Variants in SCRN1 observed in about 807,000 individuals in gnomAD.
SCRN1 encodes secernin 1.
SCRN1 carries 19 observed loss-of-function variants against 43.3 expected under a neutral mutation model. The ratio of observed to expected loss-of-function variants is 0.44; its 90% confidence interval spans 0.31 to 0.64. SCRN1 has a LOEUF of 0.64. Among genes scored for constraint, SCRN1 ranks in the 30% least tolerant of loss-of-function variants. The pLI, the probability that SCRN1 is intolerant of heterozygous loss-of-function variation, is 0.09. For synonymous variants in SCRN1, 183 were observed against 188.9 expected (o/e 0.97, Z 0.26); for missense variants, 447 against 524.1 (o/e 0.85, Z 1.44).
chr7:29,948,472 C>T (rs1378642325), intron 3 of SCRN1, among the ~76,000 whole-genome samples: 2 of 152,268 alleles, frequency 1.3e-5, no homozygotes, highest in Non-Finnish European at 2.9e-5. Context: ...TGAGTCCTCA[C>T]ATTCACCAAC....
chr7:29,942,797 C>T (rs1402240252), intron 4 of SCRN1, among the ~76,000 whole-genome samples: 1 of 152,134 alleles, frequency 6.6e-6, no homozygotes. Context: ...AGAGGCCACC[C>T]CCTCCTCCAG....
chr7:29,974,628 T>C (rs1194997520), intron 1 of SCRN1, among the ~76,000 whole-genome samples: 6 of 152,042 alleles, frequency 3.9e-5, no homozygotes, highest in Non-Finnish European at 8.8e-5. Flanking sequence ...ACATCATTTA[T>C]ATATTACATA....
Position 29,957,305 on chromosome 7 carries a change from A to G in SCRN1, c.160-1945T>C, listed in dbSNP as rs573314139. Among the ~76,000 whole-genome samples, 12 of 152,308 alleles carry G rather than the reference A, an allele frequency of 7.9e-5. No individual in the cohort carries two copies. The South Asian group carries it at 2.5e-3, about 32-fold the overall frequency. On this transcript the variant is annotated intron_variant, in intron 2 of 7. Coordinates refer to ENST00000242059, the MANE Select transcript of SCRN1 (RefSeq NM_014766.5). ...GGGAGGAAGGCAAAGGCGCGCACAC[A>G]AATTCCTACGAGCCCAGGCCAGCTT...
chr7:29,980,549 T>C (rs1423789261), intron 1 of SCRN1, among the ~76,000 whole-genome samples: 2 of 152,214 alleles, frequency 1.3e-5, no homozygotes, highest in Non-Finnish European at 2.9e-5. Flanking sequence ...ATTTTCCCAA[T>C]CATCCTTAAA....
intron 3 of SCRN1, chr7:29,947,251 C>T (rs1036630822): frequency 6.4e-7 from 1 of 1,550,568 alleles, no homozygotes; most frequent in Non-Finnish European, 8.7e-7. Flanking sequence ...AAAATCTTTC[C>T]CTGGGAGCCC....
chr7:29,947,412 A>C, intron 3 of SCRN1: 2 of 1,431,508 alleles, frequency 1.4e-6, no homozygotes, highest in Non-Finnish European at 1.9e-6. Context: ...CTGTGCCTCC[A>C]TGGATTAGGA....
chr7:29,978,665 A>C (rs994208089), intron 1 of SCRN1, among the ~76,000 whole-genome samples: 1 of 152,162 alleles, frequency 6.6e-6, no homozygotes, highest in Non-Finnish European at 1.5e-5. Context: ...TAACGAAAAT[A>C]TTTTTTAAAA....
chr7:29,982,428 A>G (rs7778514), intron 1 of SCRN1, among the ~76,000 whole-genome samples: 27,934 of 151,974 alleles, frequency 0.18, 2,722 homozygotes, highest in African/African-American at 0.26. Flanking sequence ...GCCTGTAATC[A>G]CAGTAGTTTG....
chr7:29,970,293 C>T (rs1788629180), intron 1 of SCRN1, among the ~76,000 whole-genome samples: 1 of 152,182 alleles, frequency 6.6e-6, no homozygotes, highest in Non-Finnish European at 1.5e-5. Context: ...TGCCGGCACA[C>T]AGGCCTTTTT....
rs1262998700 is a variant in SCRN1 at position 29,962,788 on chromosome 7, G to A, written c.159+6121C>T. Among the ~76,000 whole-genome samples the A allele has an allele frequency of 1.4e-4, 22 of 152,130 alleles. 1 individual carries two copies. The highest frequency in any genetic ancestry group is 1.4e-3 in the Admixed American group (22 of 15,272). On this transcript the variant is annotated intron_variant, in intron 2 of 7. Coordinates refer to ENST00000242059, the MANE Select transcript of SCRN1 (RefSeq NM_014766.5). Reference sequence around the variant, plus strand: ...TTATGAAAAGTTCTTACTCTTCATAGTTTAAAAAAGTCTGTATTTTAATAG... The same window carrying A: ...TTATGAAAAGTTCTTACTCTTCATAATTTAAAAAAGTCTGTATTTTAATAG...
At chr7:29,980,035 G>C (rs1010233649) in intron 1 of SCRN1, among the ~76,000 whole-genome samples, 1 of 152,128 alleles carries the variant, frequency 6.6e-6, no homozygotes, top group African/African-American at 2.4e-5. Context: ...TTTTAAAAAA[G>C]TCAGATAGAC....
chr7:29,986,051 A>C (rs539220079), intron 1 of SCRN1, among the ~76,000 whole-genome samples: 1 of 152,200 alleles, frequency 6.6e-6, no homozygotes, highest in Non-Finnish European at 1.5e-5. Flanking sequence ...CCCGACCAAT[A>C]TGGTGAAACC....
At chr7:29,930,818 A>G (rs1233291409) in intron 6 of SCRN1, among the ~76,000 whole-genome samples, 1 of 152,270 alleles carries the variant, frequency 6.6e-6, no homozygotes, top group Non-Finnish European at 1.5e-5. Flanking sequence ...AAGTGCTTCC[A>G]ATGGCAAGGC....
chr7:29,969,043 A>C lies in SCRN1; in HGVS notation c.25T>G (p.Cys9Gly). ...GCACGTGGAGGGAAGGCAACAAAACAGTAACTTGGAGGAGCTGCAGCCATC... is the reference window on the plus strand; with the variant it reads ...GCACGTGGAGGGAAGGCAACAAAACCGTAACTTGGAGGAGCTGCAGCCATC... MAAAPPSY[C>G]FVAFPPRAKD... Residue 9 changes from cysteine to glycine, a missense_variant, in exon 2 of 8, where the codon TGT becomes GGT. Coordinates refer to ENST00000242059, the MANE Select transcript of SCRN1 (RefSeq NM_014766.5). 1.9e-6 allele frequency: 3 copies of C among 1,613,854 alleles called. No homozygotes were observed. Among genetic ancestry groups the C allele is most frequent in the Non-Finnish European group, 2.5e-6 (3 of 1,179,900 alleles).
chr7:29,949,903 T>C (rs1468012427), intron 3 of SCRN1, among the ~76,000 whole-genome samples: 1 of 152,240 alleles, frequency 6.6e-6, no homozygotes, highest in Non-Finnish European at 1.5e-5. Context: ...CTTGAACTCC[T>C]GGGCTCAAGT....
At position 29,968,974 on chromosome 7, in the gene SCRN1, T is replaced by G. The variant is rs1222671255; in HGVS notation, c.94A>C (p.Arg32=). The G allele has an allele frequency of 6.2e-7, 1 of 1,614,034 alleles. No individual in the cohort carries two copies. Among genetic ancestry groups the G allele is most frequent in the Non-Finnish European group, 8.5e-7 (1 of 1,180,024 alleles). The change falls in exon 2 of 8, where the codon AGA becomes CGA. Residue 32 remains arginine, a synonymous_variant. Coordinates refer to ENST00000242059, the MANE Select transcript of SCRN1 (RefSeq NM_014766.5). ...TACACAACCTCTTGCACTTCATCTC[T>G]GGGCCGGGCTGAATTTTTCCCAAAT... The part of the protein sequence containing the change: ...VVFGKNSARP[R]DEVQEVVYFS...
upstream of SCRN1, chr7:29,990,033 A>G (rs1789318511): frequency 2.0e-6 from 3 of 1,469,128 alleles, no homozygotes; most frequent in African/African-American, 1.4e-5. Context: ...CTAGATTTTT[A>G]TTTCTTGGTT....
At chr7:29,951,758 A>G (rs1787931474) in intron 3 of SCRN1, among the ~76,000 whole-genome samples, 2 of 152,254 alleles carry the variant, frequency 1.3e-5, no homozygotes, top group Non-Finnish European at 2.9e-5. Flanking sequence ...CCTAATGCTT[A>G]CATTCCCACA....
At chr7:29,966,928 G>T (rs1374110032) in intron 2 of SCRN1, among the ~76,000 whole-genome samples, 2 of 151,714 alleles carry the variant, frequency 1.3e-5, no homozygotes, top group East Asian at 3.9e-4. Flanking sequence ...CAGAGCCAGT[G>T]ATTTAAGATT....
Sources: allele counts gnomAD v4.1 joint callset (sites outside exome capture counted in the v4.1 genomes callset), GRCh38; gene constraint gnomAD v4.1.1; transcripts MANE v1.5; gene names NCBI Gene and HGNC (gene_info 2026-07-23, HGNC 2026-07-21).